The following MAP3K6 variants were observed in gnomAD, a reference collection of about 807,000 sequenced individuals.
The protein encoded by MAP3K6 is apoptosis signal-regulating kinase 2.
A neutral mutation model predicts 147.1 loss-of-function variants in MAP3K6; 105 were observed. The ratio of observed to expected loss-of-function variants is 0.71; its 90% CI spans 0.61 to 0.84. MAP3K6 has a LOEUF of 0.84. Among genes scored for constraint, MAP3K6 ranks in the 40% least tolerant of loss-of-function variants. The pLI is 0.00. For missense variants in MAP3K6, 1,569 were observed against 1,715.0 expected (o/e 0.91, Z 1.50); for synonymous variants, 695 against 732.4 (o/e 0.95, Z 0.82).
rs2015602488 is a variant in MAP3K6, at chr1:27,358,033, A to T, written c.2915+148T>A. On this transcript the variant is annotated intron_variant, in intron 21 of 28. Transcript: ENST00000357582. The surrounding 1 kb of genome is among the most constrained non-coding windows in gnomAD (Gnocchi z 6.2). ...TGAGAGGACACAACAAGTCCAAGTT[A>T]GAGTTGCCAGAACAGGGCATGGGGA... is the stretch of plus-strand genomic sequence containing the variant. 3.4e-6 allele frequency: 5 copies of T among 1,488,622 alleles called. No homozygotes were observed. The African/African-American group carries it at 5.6e-5, about 17-fold the overall frequency. 92.2% of individuals were successfully genotyped at this position (1,488,622 alleles called of 1,614,324 possible). A position where few individuals can be genotyped will look rare whatever the true frequency, so the allele number is the denominator to read the frequency against.
intron 12 of MAP3K6, 25 bp downstream of exon 12, chr1:27,361,321 A>C: frequency 6.2e-7 from 1 of 1,613,816 alleles, no homozygotes. Flanking sequence ...CCGTCTTTCC[A>C]GTCACCCCAG....
rs1248592414 is a variant in MAP3K6 at position 27,364,570 on chromosome 1, G to C, written c.504+91C>G. 3 of 1,591,662 alleles carry C rather than the reference G, an allele frequency of 1.9e-6. No individual in the cohort carries two copies. The highest frequency in any genetic ancestry group is 2.6e-6 in the Non-Finnish European group (3 of 1,159,980). ...TACTTGGGATGTCAGTGGGGGGTTA[G>C]GTGACTGAGGAGGCCAGGGGGATTA... is the stretch of plus-strand genomic sequence containing the variant. On this transcript the variant is annotated intron_variant, in intron 3 of 28. Coordinates refer to ENST00000357582, the MANE Select transcript of MAP3K6 (RefSeq NM_004672.5). The surrounding 1 kb of genome is among the most constrained non-coding windows in gnomAD (Gnocchi z 4.4).
rs759240104 is a variant in MAP3K6, at chr1:27,359,929, A to C, written c.2248T>G (p.Phe750Val). The change falls in exon 17 of 29, where the codon TTC (phenylalanine) becomes GTC (valine). Residue 750 changes from phenylalanine (F) to valine (V), a missense_variant. Physicochemically the swap from Phe to Val is conservative, Grantham distance 50 (BLOSUM62 -1). Transcript: ENST00000357582. The surrounding 1 kb of genome is among the most constrained non-coding windows in gnomAD (Gnocchi z 4.4). The part of the protein sequence containing the change: ...PLKDNESTIS[F>V]YTRQILQGLG... ...CCCTGCAGGATCTGGCGGGTGTAGA[A>C]ACTGATGGTGCTCTCGTTGTCCTTC... 1 of 1,613,996 alleles carries C rather than the reference A, an allele frequency of 6.2e-7. No homozygotes were observed. Among genetic ancestry groups the C allele is most frequent in the Non-Finnish European group, 8.5e-7 (1 of 1,179,980 alleles).
At position 27,355,236 on chromosome 1, in the gene MAP3K6, G is replaced by A. The variant is rs2015475850; in HGVS notation, c.*155C>T. The A allele has an allele frequency of 1.3e-6, 1 of 751,450 alleles. No homozygotes were observed. Among genetic ancestry groups the A allele is most frequent in the Admixed American group, 1.9e-5 (1 of 52,622 alleles). The allele number at this position is 751,450 out of a possible 1,614,324, so 46.5% of individuals were successfully genotyped here. A position where few individuals can be genotyped will look rare whatever the true frequency, so the allele number is the denominator to read the frequency against. ...TGTCTGGTAGTGCTTGGGTGCCTGT[G>A]GTTGGTTTCTCTCACTGGAACCAGT... On this transcript the variant is annotated 3_prime_UTR_variant, in exon 29 of 29. Coordinates refer to ENST00000357582, the MANE Select transcript of MAP3K6 (RefSeq NM_004672.5).
rs1381389683 is a variant in MAP3K6, at chr1:27,360,086, C to T, written c.2183-92G>A. 3.8e-6 allele frequency: 6 copies of T among 1,587,636 alleles called. No homozygotes were observed. The highest frequency in any genetic ancestry group is 2.2e-5 in the East Asian group (1 of 44,546). ...GGCCCAGACACACCCATGTTGTAGC[C>T]CAACTCCATCACCCAGCGCCACTCC... On this transcript the variant is annotated intron_variant, in intron 16 of 28. Coordinates refer to ENST00000357582, the MANE Select transcript of MAP3K6 (RefSeq NM_004672.5). The surrounding 1 kb of genome is among the most constrained non-coding windows in gnomAD (Gnocchi z 4.5).
At position 27,361,784 on chromosome 1, in the gene MAP3K6, C is replaced by T. The variant is rs751286317; in HGVS notation, c.1499G>A (p.Arg500His). 28 of 1,612,004 alleles carry T rather than the reference C, an allele frequency of 1.7e-5. No individual in the cohort carries two copies. The highest frequency in any genetic ancestry group is 4.4e-5 in the South Asian group (4 of 90,728). Reference sequence around the variant, plus strand: ...CAAGAAGTGGAGCCAGAAGTGGGCACGGCGTGGTGGCCCTCCAGGGGGCTC... The same window carrying T: ...CAAGAAGTGGAGCCAGAAGTGGGCATGGCGTGGTGGCCCTCCAGGGGGCTC... ...TPEPPGGPPR[R>H]AHFWLHFLLQ... The change falls in exon 10 of 29, where the codon CGT becomes CAT. Residue 500 changes from arginine to histidine, a missense_variant. Transcript: ENST00000357582.
chr1:27,362,800 C>T (rs199543167), intron 7 of MAP3K6, 47 bp from the exon 8 acceptor site: 2 of 1,611,326 alleles, frequency 1.2e-6, no homozygotes. Context: ...GCCCACAGCA[C>T]CACCCCTCAT....
At position 27,360,103 on chromosome 1, in the gene MAP3K6, C is replaced by A; in HGVS notation, c.2183-109G>T. 3 of 1,577,128 alleles carry A rather than the reference C, an allele frequency of 1.9e-6. No homozygotes were observed. The highest frequency in any genetic ancestry group is 2.6e-6 in the Non-Finnish European group (3 of 1,156,316). On this transcript the variant is annotated intron_variant, in intron 16 of 28. Transcript: ENST00000357582. This position sits in a 1 kb window ranked among gnomAD's most constrained non-coding sequence, Gnocchi z 4.5. ...GTTGTAGCCCAACTCCATCACCCAG[C>A]GCCACTCCTCAGCTAATTCTAGGCT...
Position 27,363,532 on chromosome 1 carries a change from A to G in MAP3K6, c.881T>C (p.Ile294Thr). ...YRDVQDYSAI[I>T]ELVETLQALP... is the part of the protein sequence containing the mutation. ...GGCCTGCAGCGTCTCCACCAGCTCA[A>G]TGATGGCCGAGTAGTCCTGCATCAG... The change falls in exon 6 of 29, where the codon ATT (isoleucine) becomes ACT (threonine). Residue 294 changes from isoleucine (I) to threonine (T), a missense_variant. Physicochemically the swap from Ile to Thr is moderately conservative, Grantham distance 89 (BLOSUM62 -1). Transcript: ENST00000357582. 5 of 1,611,966 alleles carry G rather than the reference A, an allele frequency of 3.1e-6. No homozygotes were observed. Among genetic ancestry groups the G allele is most frequent in the Non-Finnish European group, 4.2e-6 (5 of 1,178,934 alleles).
At chr1:27,363,889 C>T (rs1387039108) in intron 5 of MAP3K6, 28 bp downstream of exon 5, 2 of 1,534,064 alleles carry the variant, frequency 1.3e-6, no homozygotes, top group Non-Finnish European at 1.8e-6. Flanking sequence ...ATGCCAGCTG[C>T]CCTACTGCCT....
chr1:27,358,525 G>A lies in MAP3K6; in HGVS notation c.2670C>T (p.Asp890=). ...QAFLLRTFEP[D]PRLRASAQTL... ...TCTGGGCGCTGGCTCGGAGGCGGGG[G>A]TCTGGCTCAAAAGTTCGGAGGAGAA... The change falls in exon 20 of 29, where the codon GAC becomes GAT. Residue 890 remains aspartate (D), a synonymous_variant. Transcript: ENST00000357582. The surrounding 1 kb of genome is among the most constrained non-coding windows in gnomAD (Gnocchi z 6.2). The A allele has an allele frequency of 6.2e-7, 1 of 1,608,716 alleles. No individual in the cohort carries two copies. Among genetic ancestry groups the A allele is most frequent in the Non-Finnish European group, 8.5e-7 (1 of 1,178,390 alleles).
Position 27,358,734 on chromosome 1 carries a change from C to T in MAP3K6, c.2558G>A (p.Gly853Glu). The T allele has an allele frequency of 6.2e-7, 1 of 1,613,946 alleles. No individual in the cohort carries two copies. The highest frequency in any genetic ancestry group is 8.5e-7 in the Non-Finnish European group (1 of 1,179,996). ...ATGRPPFHEL[G>E]SPQAAMFQVG... is the part of the protein sequence containing the mutation. ...CTGAAACATGGCAGCCTGTGGGCTCCCGAGCTCGTGGAAGGGGGGGCGACC... is the reference window on the plus strand; with the variant it reads ...CTGAAACATGGCAGCCTGTGGGCTCTCGAGCTCGTGGAAGGGGGGGCGACC... The change falls in exon 19 of 29, where the codon GGG becomes GAG. Residue 853 changes from glycine (G) to glutamate (E), a missense_variant. Physicochemically the swap from Gly to Glu is moderately conservative, Grantham distance 98. Coordinates refer to ENST00000357582, the MANE Select transcript of MAP3K6 (RefSeq NM_004672.5). The surrounding 1 kb of genome is among the most constrained non-coding windows in gnomAD (Gnocchi z 6.2).
In MAP3K6 at chr1:27,360,996, C is replaced by T. The variant is rs1444847689; in HGVS notation, c.1845G>A (p.Leu615=). The part of the protein sequence containing the change: ...SVGHCQWFCG[L]IQAWVTNPDS... ...CCGGGTTCGTCACCCAGGCCTGGAT[C>T]AGGCCGCAGAACCTGAAGGTGGGGG... The change falls in exon 14 of 29, where the codon CTG becomes CTA. Residue 615 remains leucine, a synonymous_variant. Coordinates refer to ENST00000357582, the MANE Select transcript of MAP3K6 (RefSeq NM_004672.5). This position sits in a 1 kb window ranked among gnomAD's most constrained non-coding sequence, Gnocchi z 4.5. 2 of 1,598,050 alleles carry T rather than the reference C, an allele frequency of 1.3e-6. No individual in the cohort carries two copies. Among genetic ancestry groups the T allele is most frequent in the Admixed American group, 3.4e-5 (2 of 58,674 alleles).
Position 27,360,344 on chromosome 1 carries a change from C to A in MAP3K6, c.2079G>T (p.Glu693Asp). The A allele has an allele frequency of 6.2e-7, 1 of 1,613,964 alleles. No individual in the cohort carries two copies. The highest frequency in any genetic ancestry group is 8.5e-7 in the Non-Finnish European group (1 of 1,179,978). ...DSRFSQPLHEEIALHRRLRHK... is the reference protein window; with the variant it reads ...DSRFSQPLHEDIALHRRLRHK... ...GGCGCAGGCGTCTGTGAAGAGCGAT[C>A]TCTTCATGCAGGGGCTGAGAGAACC... The change falls in exon 16 of 29, where the codon GAG becomes GAT. Residue 693 changes from glutamate to aspartate, a missense_variant. By Grantham distance (45) the Glu-to-Asp change is conservative. Transcript: ENST00000357582. The surrounding 1 kb of genome is among the most constrained non-coding windows in gnomAD (Gnocchi z 4.5).
chr1:27,357,855 G>T lies in MAP3K6; in HGVS notation c.2937C>A (p.Ala979=). Residue 979 remains alanine, a synonymous_variant, in exon 22 of 29, where the codon GCC becomes GCA. Coordinates refer to ENST00000357582, the MANE Select transcript of MAP3K6 (RefSeq NM_004672.5). ...TCTCCTCCGGAGACGCAGGCTCCTC[G>T]GCCGCAGGCTCCTCGGGCACCCTGG... The part of the protein sequence containing the change: ...SQLRVPEEPA[A]EEPASPEESS... 1 of 1,594,924 alleles carries T rather than the reference G, an allele frequency of 6.3e-7. No individual in the cohort carries two copies. The highest frequency in any genetic ancestry group is 8.5e-7 in the Non-Finnish European group (1 of 1,174,838).
In MAP3K6 at chr1:27,356,416, C is replaced by A. The variant is rs756381813; in HGVS notation, c.3609G>T (p.Arg1203=). 5.6e-6 allele frequency: 9 copies of A among 1,612,848 alleles called. No individual in the cohort carries two copies. Among genetic ancestry groups the A allele is most frequent in the South Asian group, 1.1e-5 (1 of 90,838 alleles). ...RALQRLNEEA[R]TYVLAPEPPT... is the part of the protein sequence containing the mutation. ...GAGGCTCTGGGGCCAGGACATAGGT[C>A]CGGGCTTCCTCATTCAGCCGCTGTA... is the stretch of plus-strand genomic sequence containing the variant. The change falls in exon 26 of 29, where the codon CGG becomes CGT. Residue 1203 remains arginine (R), a synonymous_variant. Coordinates refer to ENST00000357582, the MANE Select transcript of MAP3K6 (RefSeq NM_004672.5).
In MAP3K6 at chr1:27,359,341, C is replaced by T; in HGVS notation, c.2425+76G>A. ...CTCTAACTCCATGCCTAGGAGAAAC[C>T]CCCTTCCCTGGAAAGTTCCAAGAGA... On this transcript the variant is annotated intron_variant, in intron 18 of 28. Transcript: ENST00000357582. The surrounding 1 kb of genome is among the most constrained non-coding windows in gnomAD (Gnocchi z 4.4). The T allele has an allele frequency of 6.2e-7, 1 of 1,605,692 alleles. No individual in the cohort carries two copies. The highest frequency in any genetic ancestry group is 2.2e-5 in the East Asian group (1 of 44,768).
chr1:27,362,712 C>T lies in MAP3K6; in HGVS notation c.1184G>A (p.Gly395Asp). 1 of 1,611,056 alleles carries T rather than the reference C, an allele frequency of 6.2e-7. No homozygotes were observed. The highest frequency in any genetic ancestry group is 1.7e-4 in the Middle Eastern group (1 of 6,058). The change falls in exon 8 of 29, where the codon GGC becomes GAC. Residue 395 changes from glycine to aspartate, a missense_variant. Transcript: ENST00000357582. Reference protein sequence around the residue: ...AFDVEPSLHSGINAAVLLIAA... With the variant: ...AFDVEPSLHSDINAAVLLIAA... Reference sequence around the variant, plus strand: ...AATGAGGAGCACAGCTGCATTGATGCCTGAGTGAAGGCTGGGCTCTACGTC... The same window carrying T: ...AATGAGGAGCACAGCTGCATTGATGTCTGAGTGAAGGCTGGGCTCTACGTC...
chr1:27,366,599 C>A lies in MAP3K6; in HGVS notation c.-2G>T. ...GGACCGGGGACACGGCCCCGCCATG[C>A]GGGGGCGCTCAGGCGCGGGGCGCCG... On this transcript the variant is annotated 5_prime_UTR_variant, in exon 1 of 29. Transcript: ENST00000357582. This position sits in a 1 kb window ranked among gnomAD's most constrained non-coding sequence, Gnocchi z 5.5. 1 of 1,077,044 alleles carries A rather than the reference C, an allele frequency of 9.3e-7. No individual in the cohort carries two copies. The highest frequency in any genetic ancestry group is 6.0e-5 in the East Asian group (1 of 16,782). 66.7% of individuals were successfully genotyped at this position (1,077,044 alleles called of 1,614,324 possible).
Sources: allele counts gnomAD v4.1 joint callset, GRCh38; gene constraint gnomAD v4.1.1; non-coding constraint Gnocchi (gnomAD v3.1); transcripts MANE v1.5; gene names NCBI Gene and HGNC (gene_info 2026-07-23, HGNC 2026-07-21).